The following DDR2 variants were observed in gnomAD, a reference collection of about 807,000 sequenced individuals.
The protein encoded by DDR2 is discoidin domain receptor tyrosine kinase 2, also known as discoidin domain-containing receptor 2.
DDR2 carries 27 observed loss-of-function variants against 94.9 expected under a neutral mutation model. The observed-to-expected ratio is 0.28, with a 90% CI of 0.21 to 0.39. The LOEUF is 0.39. Ranked by LOEUF, DDR2 falls within the 10% of genes least tolerant of loss-of-function variation. The pLI, the probability that DDR2 is intolerant of heterozygous loss-of-function variation, is 1.00. For synonymous variants in DDR2, 382 were observed against 377.2 expected (o/e 1.01, Z -0.15); for missense variants, 783 against 1,076.0 (o/e 0.73, Z 3.81).
intron 11 of DDR2, among the ~76,000 whole-genome samples, chr1:162,768,090 G>GAA (rs1664092255): frequency 1.3e-5 from 2 of 152,274 alleles, no homozygotes; most frequent in South Asian, 4.1e-4. Flanking sequence ...TTTCTGATGA[G>GAA]AAAATGTGAT....
chr1:162,720,789 A>G (rs924906182), intron 3 of DDR2, among the ~76,000 whole-genome samples: 1 of 152,166 alleles, frequency 6.6e-6, no homozygotes, highest in African/African-American at 2.4e-5. Context: ...CAGTTGTTCC[A>G]TGCTATATTT....
intron 1 of DDR2, among the ~76,000 whole-genome samples, chr1:162,637,809 T>C (rs558165458): frequency 1.3e-5 from 2 of 152,208 alleles, no homozygotes; most frequent in East Asian, 3.9e-4. Flanking sequence ...ACAAATGAAA[T>C]GAAGGATCCA....
In DDR2 at chr1:162,685,006, G is replaced by A. The variant is rs1659619287; in HGVS notation, c.-28+29632G>A. On this transcript the variant is annotated intron_variant, in intron 2 of 17. Coordinates refer to ENST00000367921, the MANE Select transcript of DDR2 (RefSeq NM_006182.4). ...ACAAGAACTTTTCCCTCTCGGGCTA[G>A]TGAGATAGTACGGCCTAGTGGCTAC... Among the ~76,000 whole-genome samples, 3 of 152,152 alleles carry A rather than the reference G, an allele frequency of 2.0e-5. No individual in the cohort carries two copies. The South Asian group carries it at 6.2e-4, about 32-fold the overall frequency.
At chr1:162,682,407 C>T (rs1487550326) in intron 2 of DDR2, among the ~76,000 whole-genome samples, 1 of 152,212 alleles carries the variant, frequency 6.6e-6, no homozygotes, top group East Asian at 1.9e-4. Context: ...CAAGTACTGT[C>T]AGGCCAGGGG....
chr1:162,762,174 T>C (rs556316650), intron 9 of DDR2, among the ~76,000 whole-genome samples: 2 of 152,334 alleles, frequency 1.3e-5, no homozygotes, highest in South Asian at 4.1e-4. Context: ...TCTGTGTCTC[T>C]TTTAATCTAA....
intron 3 of DDR2, among the ~76,000 whole-genome samples, chr1:162,729,300 A>ATATATATATATATATATATTT (rs1416872679): frequency 3.2e-5 from 3 of 94,002 alleles, no homozygotes; most frequent in African/African-American, 1.6e-4. Context: ...ATATATATAT[A>ATATATATATATATATATATTT]TTTTTTTTTT....
intron 2 of DDR2, among the ~76,000 whole-genome samples, chr1:162,714,232 T>A (rs1661049140): frequency 6.6e-6 from 1 of 152,198 alleles, no homozygotes; most frequent in South Asian, 2.1e-4. Context: ...GTTGTTTACA[T>A]GTTATGTTTA....
intron 3 of DDR2, among the ~76,000 whole-genome samples, chr1:162,749,121 CA>C (rs1663044593): frequency 1.3e-5 from 2 of 152,086 alleles, no homozygotes; most frequent in South Asian, 4.1e-4. Context: ...CAAACACATT[CA>C]AAAGCTAGCA....
chr1:162,672,346 T>C (rs960789040), intron 2 of DDR2, among the ~76,000 whole-genome samples: 3 of 152,242 alleles, frequency 2.0e-5, no homozygotes, highest in Non-Finnish European at 2.9e-5. Flanking sequence ...GTAGATGCTC[T>C]GGCTCCTGGT....
At chr1:162,685,794 A>G (rs1056442966) in intron 2 of DDR2, among the ~76,000 whole-genome samples, 2 of 152,204 alleles carry the variant, frequency 1.3e-5, no homozygotes, top group African/African-American at 2.4e-5. Flanking sequence ...CAGCAATCCT[A>G]TGAAGAAGGA....
intron 2 of DDR2, among the ~76,000 whole-genome samples, chr1:162,664,753 C>T (rs1427148274): frequency 6.6e-6 from 1 of 152,064 alleles, no homozygotes; most frequent in Non-Finnish European, 1.5e-5. Context: ...AATGAGCATG[C>T]ATCACTTTTT....
intron 1 of DDR2, among the ~76,000 whole-genome samples, chr1:162,635,433 A>G (rs975355525): frequency 6.6e-6 from 1 of 152,074 alleles, no homozygotes; most frequent in African/African-American, 2.4e-5. Flanking sequence ...CAAACACACA[A>G]TCCAAACACA....
At chr1:162,658,288 C>T (rs73018546) in intron 2 of DDR2, among the ~76,000 whole-genome samples, 4,639 of 152,130 alleles carry the variant, frequency 0.03, 230 homozygotes, top group African/African-American at 0.1. Context: ...GTGAGGATGG[C>T]GGTCTGGCTG....
chr1:162,768,799 T>A (rs1218546922), intron 11 of DDR2, among the ~76,000 whole-genome samples: 2 of 152,216 alleles, frequency 1.3e-5, no homozygotes, highest in Admixed American at 6.5e-5. Flanking sequence ...AAGCTTTCAA[T>A]TCGCAAATAG....
At chr1:162,656,035 C>T (rs1041037058) in intron 2 of DDR2, among the ~76,000 whole-genome samples, 4 of 152,176 alleles carry the variant, frequency 2.6e-5, no homozygotes, top group African/African-American at 9.7e-5. Flanking sequence ...GAAACCATTT[C>T]CACATATCAA....
intron 2 of DDR2, among the ~76,000 whole-genome samples, chr1:162,665,430 G>T (rs1481130329): frequency 6.6e-6 from 1 of 152,040 alleles, no homozygotes; most frequent in African/African-American, 2.4e-5. Flanking sequence ...CCTGCACCTT[G>T]TCTCAGGTTC....
chr1:162,654,781 C>G (rs1657876276), intron 1 of DDR2, among the ~76,000 whole-genome samples: 1 of 152,080 alleles, frequency 6.6e-6, no homozygotes, highest in Non-Finnish European at 1.5e-5. Context: ...GTGACATGTG[C>G]CATTGCAGCA....
chr1:162,766,213 A>G, intron 10 of DDR2, 150 bp downstream of exon 10: 2 of 778,368 alleles, frequency 2.6e-6, no homozygotes, highest in Non-Finnish European at 4.4e-6. Flanking sequence ...AGGACTGTCT[A>G]CCTCCAAGTT....
chr1:162,681,860 A>G (rs1659421992), intron 2 of DDR2, among the ~76,000 whole-genome samples: 2 of 152,324 alleles, frequency 1.3e-5, no homozygotes, highest in East Asian at 1.9e-4. Flanking sequence ...GTGTATGTTC[A>G]CAGCACAGGA....
Sources: allele counts gnomAD v4.1 joint callset (sites outside exome capture counted in the v4.1 genomes callset), GRCh38; gene constraint gnomAD v4.1.1; transcripts MANE v1.5; gene names NCBI Gene and HGNC (gene_info 2026-07-23, HGNC 2026-07-21).